Variants in CHP1 observed in about 807,000 individuals in gnomAD.
CHP1 encodes the protein calcineurin like EF-hand protein 1.
In CHP1, 11 loss-of-function variants were observed where a neutral mutation model predicts 27.4. That is an observed-to-expected ratio of 0.40 (90% CI 0.25 to 0.67). The LOEUF is 0.67. Among genes scored for constraint, CHP1 ranks in the 30% least tolerant of loss-of-function variants. The pLI is 0.38. For synonymous variants in CHP1, 89 were observed against 87.4 expected, an observed-to-expected ratio of 1.02 and a Z score of -0.10; for missense variants, 169 against 251.3, an observed-to-expected ratio of 0.67 and a Z score of 2.22.
intron 2 of CHP1, among the ~76,000 whole-genome samples, chr15:41,243,947 C>T (rs1199863309): frequency 6.6e-6 from 1 of 152,098 alleles, no homozygotes; most frequent in Non-Finnish European, 1.5e-5. Context: ...ACGCCTTAAT[C>T]CCAGCACTTT....
Position 41,279,486 on chromosome 15 carries a change from TC to T in CHP1, c.*100del. The T allele has an allele frequency of 9.9e-7, 1 of 1,009,116 alleles. No homozygotes were observed. Among genetic ancestry groups the T allele is most frequent in the South Asian group, 1.4e-5 (1 of 72,474 alleles). 62.5% of individuals were successfully genotyped at this position (1,009,116 alleles called of 1,614,324 possible). A position where few individuals can be genotyped will look rare whatever the true frequency, so the allele number is the denominator to read the frequency against. On this transcript the variant is annotated 3_prime_UTR_variant, in exon 7 of 7. Transcript: ENST00000334660. ...CACCTCCACCCCCTCATTCCCCTTCTCCCAAAGTACTACTGCTGTTGCATGA... is the reference window on the plus strand; with the variant it reads ...CACCTCCACCCCCTCATTCCCCTTCTCCAAAGTACTACTGCTGTTGCATGA...
rs112389205 is a variant in CHP1 at position 41,278,938 on chromosome 15, C to A, written c.534+49C>A. 1.3e-5 allele frequency: 21 copies of A among 1,609,424 alleles called. No individual in the cohort carries two copies. The South Asian group carries it at 2.0e-4, about 15-fold the overall frequency. ...AAAAAGTTACGTTTTAGTGGCTGGG[C>A]GCGGTGGCTTACGCCTGTAATCCCA... On this transcript the variant is annotated intron_variant, in intron 6 of 6. Coordinates refer to ENST00000334660, the MANE Select transcript of CHP1 (RefSeq NM_007236.5).
At chr15:41,258,274 G>A (rs753583516) in intron 3 of CHP1, among the ~76,000 whole-genome samples, 24 of 152,154 alleles carry the variant, frequency 1.6e-4, no homozygotes, top group Non-Finnish European at 3.2e-4. Flanking sequence ...TGTTTGCTAA[G>A]AATAGGGACA....
chr15:41,268,668 G>A (rs755581951), intron 4 of CHP1, among the ~76,000 whole-genome samples: 5 of 143,166 alleles, frequency 3.5e-5, no homozygotes, highest in Admixed American at 7.1e-5. Context: ...CAGGCCAGGC[G>A]CGATGGCTCA....
chr15:41,245,339 T>TGTGTGGTGGTGG (rs2047329066), intron 2 of CHP1, among the ~76,000 whole-genome samples: 2 of 150,474 alleles, frequency 1.3e-5, no homozygotes, highest in East Asian at 3.9e-4. Flanking sequence ...TGGGCGCCTG[T>TGTGTGGTGGTGG]GCGTGGTGGT....
At chr15:41,264,574 G>T (rs2047450899) in intron 4 of CHP1, among the ~76,000 whole-genome samples, 1 of 152,064 alleles carries the variant, frequency 6.6e-6, no homozygotes, top group South Asian at 2.1e-4. Context: ...AAGTTGCTGG[G>T]ACCACAGGCG....
intron 2 of CHP1, chr15:41,256,547 C>G (rs2047401553): frequency 4.0e-6 from 1 of 247,516 alleles, no homozygotes; most frequent in Non-Finnish European, 8.0e-6. Context: ...GTATTTGATA[C>G]TTTCCATTTG....
In CHP1 at chr15:41,279,652, T is replaced by C; in HGVS notation, c.*263T>C. The C allele has an allele frequency of 4.9e-6, 2 of 407,384 alleles. No homozygotes were observed. Among genetic ancestry groups the C allele is most frequent in the East Asian group, 8.0e-5 (2 of 24,970 alleles). The allele number at this position is 407,384 out of a possible 1,614,324, so 25.2% of individuals were successfully genotyped here. On this transcript the variant is annotated 3_prime_UTR_variant, in exon 7 of 7. Coordinates refer to ENST00000334660, the MANE Select transcript of CHP1 (RefSeq NM_007236.5). ...ATAAATATCATCTTCCCCATTCTGCTGCTGAATGCCACACATCCATCCAGT... is the reference window on the plus strand; with the variant it reads ...ATAAATATCATCTTCCCCATTCTGCCGCTGAATGCCACACATCCATCCAGT...
chr15:41,272,136 A>G (rs2047492712), intron 5 of CHP1: 1 of 152,072 alleles, frequency 6.6e-6, no homozygotes, highest in Admixed American at 6.6e-5. Context: ...AACCTTATCC[A>G]ATTGTACATT....
At position 41,246,564 on chromosome 15, in the gene CHP1, C is replaced by T. The variant is rs980067261; in HGVS notation, c.140+2825C>T. ...CAAACTCCTGACCTCGTGATCCACCCGCCTTGGCCTCCCAAAGTGCTGGGA... is the reference window on the plus strand; with the variant it reads ...CAAACTCCTGACCTCGTGATCCACCTGCCTTGGCCTCCCAAAGTGCTGGGA... On this transcript the variant is annotated intron_variant, in intron 2 of 6. Coordinates refer to ENST00000334660, the MANE Select transcript of CHP1 (RefSeq NM_007236.5). Among the ~76,000 whole-genome samples the T allele has an allele frequency of 1.4e-3, 214 of 150,624 alleles. 1 individual carries two copies. The highest frequency in any genetic ancestry group is 5.0e-3 in the African/African-American group (204 of 41,050).
chr15:41,248,012 GTATC>G (rs1567005695), intron 2 of CHP1, among the ~76,000 whole-genome samples: 1 of 136,376 alleles, frequency 7.3e-6, no homozygotes, highest in South Asian at 2.3e-4. Flanking sequence ...AAATAAATAA[GTATC>G]TAAGTAAGAT....
intron 2 of CHP1, among the ~76,000 whole-genome samples, chr15:41,246,903 A>AG (rs2047337808): frequency 6.6e-6 from 1 of 150,714 alleles, no homozygotes; most frequent in Non-Finnish European, 1.5e-5. Flanking sequence ...ATTAAAAAAA[A>AG]GCCCGGGTGT....
At chr15:41,279,186 G>A in intron 6 of CHP1, 150 bp from the exon 7 acceptor site, 2 of 680,902 alleles carry the variant, frequency 2.9e-6, no homozygotes, top group Non-Finnish European at 2.5e-6. Context: ...ACTCCAGCCT[G>A]GCAACAGAGT....
At chr15:41,273,006 G>A (rs977782141) in intron 5 of CHP1, among the ~76,000 whole-genome samples, 11 of 151,896 alleles carry the variant, frequency 7.2e-5, no homozygotes, top group Non-Finnish European at 1.2e-4. Context: ...GCAGTGAGCC[G>A]AGATCACGCT....
At chr15:41,248,976 C>T (rs1256696691) in intron 2 of CHP1, among the ~76,000 whole-genome samples, 1 of 152,084 alleles carries the variant, frequency 6.6e-6, no homozygotes, top group East Asian at 1.9e-4. Context: ...TCTCTCAGCC[C>T]TCTCCTCTTC....
At chr15:41,260,410 T>G (rs2047426809) in intron 3 of CHP1, among the ~76,000 whole-genome samples, 1 of 151,390 alleles carries the variant, frequency 6.6e-6, no homozygotes, top group Admixed American at 6.6e-5. Flanking sequence ...TTTTTTTTTT[T>G]TTGAGATGGA....
chr15:41,247,265 AG>A (rs1186493426), intron 2 of CHP1, among the ~76,000 whole-genome samples: 2 of 151,744 alleles, frequency 1.3e-5, no homozygotes, highest in African/African-American at 4.8e-5. Context: ...GGTACTTGGG[AG>A]GTTGAGGCAG....
In CHP1 at chr15:41,279,400, A is replaced by C; in HGVS notation, c.*11A>C. The C allele has an allele frequency of 6.2e-7, 1 of 1,611,114 alleles. No individual in the cohort carries two copies. Among genetic ancestry groups the C allele is most frequent in the Non-Finnish European group, 8.5e-7 (1 of 1,178,576 alleles). On this transcript the variant is annotated 3_prime_UTR_variant, in exon 7 of 7. Coordinates refer to ENST00000334660, the MANE Select transcript of CHP1 (RefSeq NM_007236.5). ...CGATTTCTTCACTAAAGGAGACCAAACTGTTCCTTGCGGTCTAGTATTTAA... is the reference window on the plus strand; with the variant it reads ...CGATTTCTTCACTAAAGGAGACCAACCTGTTCCTTGCGGTCTAGTATTTAA...
At chr15:41,275,728 C>T (rs116625615) in intron 5 of CHP1, among the ~76,000 whole-genome samples, 1,851 of 152,190 alleles carry the variant, frequency 0.012, 29 homozygotes, top group African/African-American at 0.042. Flanking sequence ...TGCACTACCA[C>T]ACCTGGCTTG....
Sources: gnomAD v4.1 joint callset for allele counts (sites outside exome capture counted in the v4.1 genomes callset) on GRCh38, gnomAD v4.1.1 for gene constraint, MANE v1.5 for transcripts, NCBI Gene and HGNC (gene_info 2026-07-23, HGNC 2026-07-21) for gene names.